The following ABCC6 variants were observed in gnomAD, a reference collection of about 807,000 sequenced individuals.
ABCC6 encodes the protein ATP-binding cassette sub-family C member 6.
In ABCC6, 126 loss-of-function variants were observed where a neutral mutation model predicts 169.5. That is an observed-to-expected ratio of 0.74 (90% CI 0.64 to 0.86). The LOEUF (loss-of-function observed/expected upper bound fraction) is 0.86, where lower values mean the gene tolerates loss of function less well. Ranked by LOEUF, ABCC6 falls within the 40% of genes least tolerant of loss-of-function variation. The pLI, the probability that ABCC6 is intolerant of heterozygous loss-of-function variation, is 0.00. For synonymous variants in ABCC6, 752 were observed against 814.7 expected (o/e 0.92, Z 1.31); for missense variants, 1,733 against 1,927.2 (o/e 0.90, Z 1.89).
intron 17 of ABCC6, among the ~76,000 whole-genome samples, chr16:16,181,358 AAAAAAAAAAAG>A (rs2047465320): frequency 8.0e-6 from 1 of 124,250 alleles, no homozygotes; most frequent in Admixed American, 8.7e-5. Context: ...AAAAAAAAAA[AAAAAAAAAAAG>A]AGAAAAAGCA....
chr16:16,211,942 G>A (rs1172212288), intron 6 of ABCC6, among the ~76,000 whole-genome samples: 1 of 150,266 alleles, frequency 6.7e-6, no homozygotes, highest in Non-Finnish European at 1.5e-5. Flanking sequence ...AGACTCCGGA[G>A]GTTTGCGACA....
intron 6 of ABCC6, among the ~76,000 whole-genome samples, chr16:16,209,564 TAGA>T (rs1452317035): frequency 6.6e-6 from 1 of 151,742 alleles, no homozygotes; most frequent in East Asian, 1.9e-4. Flanking sequence ...ACTATCATTG[TAGA>T]AGAAGCTTGA....
At chr16:16,219,263 G>A (rs1156661547) in intron 4 of ABCC6, among the ~76,000 whole-genome samples, 1 of 150,486 alleles carries the variant, frequency 6.6e-6, no homozygotes, top group East Asian at 2.0e-4. Flanking sequence ...GTGCGTGCAT[G>A]CATGTACTTG....
Position 16,161,652 on chromosome 16 carries a change from G to A in ABCC6, c.3507-88C>T. On this transcript the variant is annotated intron_variant, in intron 24 of 30. Coordinates refer to ENST00000205557, the MANE Select transcript of ABCC6 (RefSeq NM_001171.6). ...GGCACAAGGACTGGTCATCACACCAGCTTTGTACACACAGGGGTCCCAGCA... is the reference window on the plus strand; with the variant it reads ...GGCACAAGGACTGGTCATCACACCAACTTTGTACACACAGGGGTCCCAGCA... 3.8e-6 allele frequency: 6 copies of A among 1,567,854 alleles called. No individual in the cohort carries two copies. The Middle Eastern group carries it at 5.0e-4, about 132-fold the overall frequency.
In ABCC6 at chr16:16,188,954, A is replaced by G; in HGVS notation, c.1656T>C (p.Ala552=). 1 of 1,614,056 alleles carries G rather than the reference A, an allele frequency of 6.2e-7. No homozygotes were observed. Among genetic ancestry groups the G allele is most frequent in the Non-Finnish European group, 8.5e-7 (1 of 1,180,012 alleles). ...CATTCTCGGCCACCAGAGTGTGGAC[A>G]GCAAACACCACCAGTGCGACCTGGG... The part of the protein sequence containing the change: ...STFLVALVVF[A]VHTLVAENAM... Residue 552 remains alanine, a synonymous_variant, in exon 13 of 31, where the codon GCT becomes GCC. Coordinates refer to ENST00000205557, the MANE Select transcript of ABCC6 (RefSeq NM_001171.6).
At chr16:16,159,988 A>G (rs1596601135) in intron 25 of ABCC6, among the ~76,000 whole-genome samples, 4 of 151,930 alleles carry the variant, frequency 2.6e-5, no homozygotes, top group African/African-American at 4.8e-5. Context: ...AACCACTCCA[A>G]GCTCCTCCCT....
chr16:16,164,769 A>T (rs1391512549), intron 23 of ABCC6, among the ~76,000 whole-genome samples: 1 of 152,186 alleles, frequency 6.6e-6, no homozygotes, highest in Non-Finnish European at 1.5e-5. Context: ...TATCTGAGGC[A>T]GTAGTCCTGG....
At chr16:16,206,848 G>C (rs926338228) in intron 7 of ABCC6, among the ~76,000 whole-genome samples, 3 of 152,224 alleles carry the variant, frequency 2.0e-5, no homozygotes, top group Admixed American at 1.3e-4. Flanking sequence ...TTCAAAAGTA[G>C]AGGGTGAGTC....
chr16:16,159,661 CT>C, intron 25 of ABCC6, 78 bp from the exon 26 acceptor site: 1 of 1,360,052 alleles, frequency 7.4e-7, no homozygotes, highest in Non-Finnish European at 1.0e-6. Flanking sequence ...GTTTCCCAAC[CT>C]TTTCTGGGAG....
Position 16,223,440 on chromosome 16 carries a change from C to CCTTCTGT in ABCC6, c.-13_-7dup. The CCTTCTGT allele has an allele frequency of 6.7e-7, 1 of 1,490,734 alleles. No individual in the cohort carries two copies. The highest frequency in any genetic ancestry group is 8.9e-7 in the Non-Finnish European group (1 of 1,117,704). The allele number at this position is 1,490,734 out of a possible 1,614,324, so 92.3% of individuals were successfully genotyped here. On this transcript the variant is annotated 5_prime_UTR_variant, in exon 1 of 31. Transcript: ENST00000205557. The stretch of plus-strand genomic sequence containing the variant: ...GGCTCAGCAGGCGCGGCCATCGGCG[C>CCTTCTGT]CTTCTGTCGTCGTGGGTCCCAGCGT...
intron 1 of ABCC6, 72 bp from the exon 2 acceptor site, chr16:16,221,903 A>C: frequency 6.2e-7 from 1 of 1,611,388 alleles, no homozygotes; most frequent in Non-Finnish European, 8.5e-7. Flanking sequence ...CCAGGGGGCC[A>C]GGCAACTTTT....
At position 16,163,187 on chromosome 16, in the gene ABCC6, C is replaced by T; in HGVS notation, c.3312G>A (p.Leu1104=). ...TCAGCTGGCATGAGCTAACCACATACAGGCTCTGAGAAGGATGGATGGGAG... is the reference window on the plus strand; with the variant it reads ...TCAGCTGGCATGAGCTAACCACATATAGGCTCTGAGAAGGATGGATGGGAG... ...LFLLYAGFQS[L]YVVSSCQLRR... is the part of the protein sequence containing the mutation. The change falls in exon 24 of 31, where the codon CTG becomes CTA. Residue 1104 remains leucine, a synonymous_variant. Transcript: ENST00000205557. The T allele has an allele frequency of 1.9e-6, 3 of 1,613,254 alleles. No homozygotes were observed. The highest frequency in any genetic ancestry group is 2.5e-6 in the Non-Finnish European group (3 of 1,180,000).
At chr16:16,168,295 A>AGCCCGG (rs2046943997) in intron 22 of ABCC6, among the ~76,000 whole-genome samples, 1 of 151,612 alleles carries the variant, frequency 6.6e-6, no homozygotes. Flanking sequence ...GTTTGAGACC[A>AGCCCGG]GCCTGGGCAA....
chr16:16,190,250 T>A lies in ABCC6; in HGVS notation c.1549A>T (p.Ile517Phe). Reference sequence around the variant, plus strand: ...AAGGCGCCCAGCTCCTGGCCTCGGATGCCCAGGACTCTGTCCAGAAAGGCT... The same window carrying A: ...AAGGCGCCCAGCTCCTGGCCTCGGAAGCCCAGGACTCTGTCCAGAAAGGCT... The part of the protein sequence containing the change: ...EGAFLDRVLG[I>F]RGQELGALRT... The change falls in exon 12 of 31, where the codon ATC (isoleucine) becomes TTC (phenylalanine). Residue 517 changes from isoleucine to phenylalanine, a missense_variant. Ile to Phe is a conservative substitution (Grantham distance 21). Around this residue, in one of 5 missense-constraint regions of ABCC6, gnomAD observed 1,601 missense variants for 1,635.5 expected, o/e 0.98. Transcript: ENST00000205557. The A allele has an allele frequency of 6.2e-7, 1 of 1,614,094 alleles. No individual in the cohort carries two copies. The highest frequency in any genetic ancestry group is 2.2e-5 in the East Asian group (1 of 44,878).
chr16:16,149,986 A>C lies in ABCC6; in HGVS notation c.*147T>G, dbSNP rs2046342852. On this transcript the variant is annotated 3_prime_UTR_variant, in exon 31 of 31. Transcript: ENST00000205557. ...CTCTGATGCTCTGTGATAATTGGCC[A>C]CTTTCTCTGCCATTTTCCTCCCAGA... The C allele has an allele frequency of 2.3e-6, 3 of 1,279,512 alleles. No individual in the cohort carries two copies. Among genetic ancestry groups the C allele is most frequent in the Non-Finnish European group, 3.3e-6 (3 of 905,520 alleles). The allele number at this position is 1,279,512 out of a possible 1,614,324, so 79.3% of individuals were successfully genotyped here. A position where few individuals can be genotyped will look rare whatever the true frequency, so the allele number is the denominator to read the frequency against.
chr16:16,188,450 G>A (rs3851722), intron 13 of ABCC6, among the ~76,000 whole-genome samples: 35,791 of 151,976 alleles, frequency 0.24, 5,038 homozygotes, highest in Non-Finnish European at 0.32. Context: ...CAGGTATGCC[G>A]CCGTTTCTTG....
rs1386554174 is a variant in ABCC6, at chr16:16,214,288, G to A, written c.600+36C>T. The A allele has an allele frequency of 4.5e-6, 7 of 1,549,206 alleles. No individual in the cohort carries two copies. In the Admixed American group the frequency reaches 5.9e-5, roughly 13 times the overall value. On this transcript the variant is annotated intron_variant, in intron 5 of 30. Coordinates refer to ENST00000205557, the MANE Select transcript of ABCC6 (RefSeq NM_001171.6). ...ACCTGGGGGAGACTGAGACCTCAAA[G>A]TGGAACAGGAATGAGGTTGGAACTT...
intron 4 of ABCC6, among the ~76,000 whole-genome samples, chr16:16,217,264 C>T (rs1349024612): frequency 6.6e-6 from 1 of 152,068 alleles, no homozygotes; most frequent in Non-Finnish European, 1.5e-5. Flanking sequence ...TCCCTAAACT[C>T]CCACTGTTTT....
At position 16,198,084 on chromosome 16, in the gene ABCC6, G is replaced by A. The variant is rs201682224; in HGVS notation, c.1275C>T (p.Leu425=). The stretch of plus-strand genomic sequence containing the variant: ...GAGGCAGCCACAGCCCGTTGAGGTA[G>A]AGGACGCTCTCGGTCAGCCGCTGCA... The part of the protein sequence containing the change: ...VDVQRLTESV[L]YLNGLWLPLV... The change falls in exon 10 of 31, where the codon CTC becomes CTT. Residue 425 remains leucine (L), a synonymous_variant. Transcript: ENST00000205557. 6.2e-6 allele frequency: 10 copies of A among 1,614,064 alleles called. No individual in the cohort carries two copies. Among genetic ancestry groups the A allele is most frequent in the Non-Finnish European group, 8.5e-6 (10 of 1,180,004 alleles).
Sources: allele counts gnomAD v4.1 joint callset (sites outside exome capture counted in the v4.1 genomes callset), GRCh38; gene constraint gnomAD v4.1.1; regional missense constraint gnomAD v4.1.1; transcripts MANE v1.5; gene names NCBI Gene and HGNC (gene_info 2026-07-23, HGNC 2026-07-21).